GABPA: variants seen among roughly 807,000 people sequenced by gnomAD.
GABPA encodes the protein GA binding protein transcription factor subunit alpha, also known as GA-binding protein alpha chain.
A neutral mutation model predicts 59.4 loss-of-function variants in GABPA; 4 were observed. The observed-to-expected ratio is 0.07, with a 90% confidence interval of 0.03 to 0.15. The LOEUF is 0.15. Ranked by LOEUF, GABPA falls within the 10% of genes least tolerant of loss-of-function variation. The probability of loss-of-function intolerance (pLI) is 1.00; values close to 1 mark genes in which losing one functional copy is unlikely to be tolerated. For synonymous variants in GABPA, 164 were observed against 183.1 expected, an observed-to-expected ratio of 0.90 and a Z score of 0.84; for missense variants, 251 against 543.8, an observed-to-expected ratio of 0.46 and a Z score of 5.36.
At chr21:25,765,076 A>T (rs1302331444) in intron 9 of GABPA, among the ~76,000 whole-genome samples, 2 of 151,916 alleles carry the variant, frequency 1.3e-5, no homozygotes, top group Non-Finnish European at 2.9e-5. Flanking sequence ...ATTTGCATAG[A>T]TGAATTGAGT....
intron 5 of GABPA, among the ~76,000 whole-genome samples, chr21:25,753,178 A>G (rs765927583): frequency 1.3e-5 from 2 of 152,198 alleles, no homozygotes; most frequent in African/African-American, 4.8e-5. Context: ...TCAAAAGCCC[A>G]GTTGGGGAAG....
chr21:25,737,503 G>A (rs2035109290), intron 1 of GABPA, among the ~76,000 whole-genome samples: 1 of 149,748 alleles, frequency 6.7e-6, no homozygotes, highest in South Asian at 2.1e-4. Context: ...ATGGGTTTTT[G>A]TTTTGTTTTG....
intron 2 of GABPA, 41 bp downstream of exon 2, chr21:25,741,716 A>G (rs769876133): frequency 2.0e-5 from 25 of 1,277,036 alleles, no homozygotes; most frequent in South Asian, 1.5e-4. Context: ...CAAAATATCA[A>G]TATACCTAAT....
rs1319983893 is a variant in GABPA, at chr21:25,763,028, C to A, written c.802+663C>A. On this transcript the variant is annotated intron_variant, in intron 7 of 9. Transcript: ENST00000400075. Reference sequence around the variant, plus strand: ...GCTTTGCCTTCAGCTTTATTCTTTACCTTTGATTCATCTATATTGGGTACT... The same window carrying A: ...GCTTTGCCTTCAGCTTTATTCTTTAACTTTGATTCATCTATATTGGGTACT... 1.1e-5 allele frequency: 4 copies of A among 365,912 alleles called. No individual in the cohort carries two copies. The East Asian group carries it at 2.3e-4, about 21-fold the overall frequency. 22.7% of individuals were successfully genotyped at this position (365,912 alleles called of 1,614,324 possible). A position where few individuals can be genotyped will look rare whatever the true frequency, so the allele number is the denominator to read the frequency against.
At chr21:25,751,636 T>C (rs1187097204) in intron 4 of GABPA, among the ~76,000 whole-genome samples, 1 of 152,076 alleles carries the variant, frequency 6.6e-6, no homozygotes, top group Non-Finnish European at 1.5e-5. Flanking sequence ...TCATTTATAC[T>C]CTGCCTAGTC....
intron 2 of GABPA, among the ~76,000 whole-genome samples, chr21:25,742,328 GGAGGT>G (rs1181592972): frequency 6.6e-6 from 1 of 151,500 alleles, no homozygotes; most frequent in Non-Finnish European, 1.5e-5. Flanking sequence ...CCGTGAAGTA[GGAGGT>G]GAGATAATAA....
chr21:25,744,082 A>G (rs532142557), intron 2 of GABPA, among the ~76,000 whole-genome samples: 38 of 150,494 alleles, frequency 2.5e-4, no homozygotes, highest in African/African-American at 8.8e-4. Flanking sequence ...GCTATAGCTG[A>G]AGAGTTTGGT....
At chr21:25,750,652 TTA>T (rs1219577209) in intron 4 of GABPA, among the ~76,000 whole-genome samples, 1 of 152,212 alleles carries the variant, frequency 6.6e-6, no homozygotes, top group Non-Finnish European at 1.5e-5. Context: ...TTGTTCACAA[TTA>T]TGTTTCACAA....
intron 6 of GABPA, among the ~76,000 whole-genome samples, chr21:25,760,938 A>C (rs1045738502): frequency 3.9e-5 from 6 of 151,950 alleles, no homozygotes. Context: ...CCAATCTGAG[A>C]ATTAGGACTT....
intron 3 of GABPA, 114 bp downstream of exon 3, chr21:25,745,468 G>T: frequency 1.1e-6 from 1 of 883,942 alleles, no homozygotes; most frequent in South Asian, 2.6e-5. Context: ...GATTTGACCT[G>T]TATTACTGTA....
intron 2 of GABPA, among the ~76,000 whole-genome samples, chr21:25,744,166 T>C (rs1412991524): frequency 6.6e-6 from 1 of 151,886 alleles, no homozygotes; most frequent in Non-Finnish European, 1.5e-5. Context: ...AATAAGCTTG[T>C]TTTTAATCAT....
intron 3 of GABPA, among the ~76,000 whole-genome samples, 165 bp downstream of exon 3, chr21:25,745,519 T>A (rs1320036083): frequency 6.6e-6 from 1 of 152,192 alleles, no homozygotes; most frequent in African/African-American, 2.4e-5. Flanking sequence ...TTAAGCAAAG[T>A]TTTCTCCATT....
rs1444134425 is a variant in GABPA at position 25,764,331 on chromosome 21, C to G, written c.924C>G (p.Ser308Arg). Reference sequence around the variant, plus strand: ...CGAGGATTTCAGGAGAAGATAGAAGCTCACCTGGGAACAGAACAGGTATTT... The same window carrying G: ...CGAGGATTTCAGGAGAAGATAGAAGGTCACCTGGGAACAGAACAGGTATTT... ...RAPRISGEDR[S>R]SPGNRTGNNG... The change falls in exon 8 of 10, where the codon AGC becomes AGG. Residue 308 changes from serine to arginine, a missense_variant. Physicochemically the swap from Ser to Arg is moderately radical, Grantham distance 110. Coordinates refer to ENST00000400075, the MANE Select transcript of GABPA (RefSeq NM_002040.4). The G allele has an allele frequency of 6.2e-7, 1 of 1,611,404 alleles. No individual in the cohort carries two copies. The highest frequency in any genetic ancestry group is 2.2e-5 in the East Asian group (1 of 44,812).
At chr21:25,754,735 G>T (rs2035592831) in intron 5 of GABPA, among the ~76,000 whole-genome samples, 1 of 151,562 alleles carries the variant, frequency 6.6e-6, no homozygotes, top group Non-Finnish European at 1.5e-5. Flanking sequence ...AATTATTTTT[G>T]CCCATCTTTT....
intron 2 of GABPA, among the ~76,000 whole-genome samples, chr21:25,744,161 G>C (rs1189877672): frequency 6.7e-6 from 1 of 149,998 alleles, no homozygotes. Context: ...TTTTAAATAA[G>C]CTTGTTTTTA....
At chr21:25,752,406 AT>A (rs1243224920) in intron 5 of GABPA, 172 bp downstream of exon 5, 2 of 734,884 alleles carry the variant, frequency 2.7e-6, no homozygotes, top group East Asian at 5.5e-5. Context: ...TGGTGGACAA[AT>A]TCTGTCCTGC....
In GABPA at chr21:25,768,349, C is replaced by T. The variant is rs564590156; in HGVS notation, c.1137-655C>T. 2.6e-5 allele frequency among the ~76,000 whole-genome samples: 4 copies of T among 151,962 alleles called. No homozygotes were observed. The East Asian group carries it at 5.8e-4, about 22-fold the overall frequency. Reference sequence around the variant, plus strand: ...GATAATTTATCTGAAATTTGGAAAGCGTTTACATAGTGAAATAATAAAGAT... The same window carrying T: ...GATAATTTATCTGAAATTTGGAAAGTGTTTACATAGTGAAATAATAAAGAT... On this transcript the variant is annotated intron_variant, in intron 9 of 9. Coordinates refer to ENST00000400075, the MANE Select transcript of GABPA (RefSeq NM_002040.4).
intron 9 of GABPA, among the ~76,000 whole-genome samples, chr21:25,767,782 A>G (rs2035927652): frequency 1.3e-5 from 2 of 152,096 alleles, no homozygotes; most frequent in African/African-American, 4.8e-5. Context: ...GGAAACTACA[A>G]GACTGCCCAA....
Position 25,769,021 on chromosome 21 carries a change from A to C in GABPA, c.1154A>C (p.Asp385Ala), listed in dbSNP as rs2035959472. 1 of 1,611,266 alleles carries C rather than the reference A, an allele frequency of 6.2e-7. No homozygotes were observed. The highest frequency in any genetic ancestry group is 1.3e-5 in the African/African-American group (1 of 74,692). Residue 385 changes from aspartate (D) to alanine (A), a missense_variant, in exon 10 of 10, where the codon GAC (aspartate) becomes GCC (alanine). By Grantham distance (126) the Asp-to-Ala change is moderately radical. Transcript: ENST00000400075. ...TTTTGAAGATATTATTACGATGGGG[A>C]CATGATTTGTAAAGTTCAAGGCAAG... ...SRALRYYYDGDMICKVQGKRF... is the reference protein window; with the variant it reads ...SRALRYYYDGAMICKVQGKRF...
Sources: allele counts gnomAD v4.1 joint callset (sites outside exome capture counted in the v4.1 genomes callset), GRCh38; gene constraint gnomAD v4.1.1; transcripts MANE v1.5; gene names NCBI Gene and HGNC (gene_info 2026-07-23, HGNC 2026-07-21).